Variants in USP48 observed in about 807,000 individuals in gnomAD.
The protein encoded by USP48 is ubiquitin carboxyl-terminal hydrolase 48.
USP48 carries 43 observed loss-of-function variants against 150.7 expected under a neutral mutation model. That is an observed-to-expected ratio of 0.29 (90% CI 0.22 to 0.37). USP48 has a LOEUF of 0.37. Among genes scored for constraint, USP48 ranks in the 10% least tolerant of loss-of-function variants. The probability of loss-of-function intolerance (pLI) is 1.00; values close to 1 mark genes in which losing one functional copy is unlikely to be tolerated. For missense variants in USP48, 813 were observed against 1,249.6 expected, an observed-to-expected ratio of 0.65 and a Z score of 5.27; for synonymous variants, 396 against 425.9, an observed-to-expected ratio of 0.93 and a Z score of 0.86.
chr1:21,684,724 A>C (rs2097576075), intron 25 of USP48, among the ~76,000 whole-genome samples: 2 of 152,326 alleles, frequency 1.3e-5, no homozygotes, highest in South Asian at 4.1e-4. Context: ...TTTAATATAT[A>C]GTGAGAGACA....
chr1:21,766,865 G>A (rs2097863442), intron 1 of USP48, among the ~76,000 whole-genome samples: 2 of 152,024 alleles, frequency 1.3e-5, no homozygotes, highest in Non-Finnish European at 2.9e-5. Flanking sequence ...AGGAGTTCCA[G>A]ATCAGCCTGG....
chr1:21,736,637 G>C lies in USP48; in HGVS notation c.992-12C>G. 2.2e-6 allele frequency: 3 copies of C among 1,372,952 alleles called. No individual in the cohort carries two copies. Among genetic ancestry groups the C allele is most frequent in the Non-Finnish European group, 2.8e-6 (3 of 1,056,888 alleles). The allele number at this position is 1,372,952 out of a possible 1,614,324, so 85.0% of individuals were successfully genotyped here. On this transcript the variant is annotated splice_polypyrimidine_tract_variant and intron_variant, in intron 8 of 26. Coordinates refer to ENST00000308271, the MANE Select transcript of USP48 (RefSeq NM_032236.8). The stretch of plus-strand genomic sequence containing the variant: ...CACGTAGGACCCACCTGGAGAGAAA[G>C]GGAGAAAGTAAAAGAAACGTTGGAT...
intron 23 of USP48, 131 bp downstream of exon 23, chr1:21,694,935 G>T: frequency 4.9e-6 from 5 of 1,022,256 alleles, no homozygotes; most frequent in South Asian, 2.8e-5. Context: ...AAGATTTTTG[G>T]CTATTTTGAA....
chr1:21,754,398 T>C (rs1188314409), intron 3 of USP48, among the ~76,000 whole-genome samples: 1 of 152,080 alleles, frequency 6.6e-6, no homozygotes, highest in Non-Finnish European at 1.5e-5. Flanking sequence ...AATTTTAGAG[T>C]TGAAAGTTTT....
chr1:21,752,433 A>G (rs920258527), intron 5 of USP48, 94 bp downstream of exon 5: 1 of 1,453,782 alleles, frequency 6.9e-7, no homozygotes, highest in Admixed American at 2.3e-5. Context: ...ATAAACCACT[A>G]AAGCTACAAC....
In USP48 at chr1:21,765,901, C is replaced by CAAA. The variant is rs199539331; in HGVS notation, c.135-8121_135-8119dup. 1.5e-4 allele frequency among the ~76,000 whole-genome samples: 17 copies of CAAA among 112,138 alleles called. 1 individual carries two copies. The highest frequency in any genetic ancestry group is 6.6e-4 in the African/African-American group (16 of 24,336). 73.6% of individuals were successfully genotyped at this position (112,138 alleles called of 152,430 possible). A position where few individuals can be genotyped will look rare whatever the true frequency, so the allele number is the denominator to read the frequency against. On this transcript the variant is annotated intron_variant, in intron 1 of 26. Transcript: ENST00000308271. ...GGGCAACAAAGTGAGACTCCATCTC[C>CAAA]AAAAAAAAAAAAAAAAAAAAAAAAA...
chr1:21,718,463 T>C (rs896055779), intron 14 of USP48, among the ~76,000 whole-genome samples: 12 of 152,076 alleles, frequency 7.9e-5, no homozygotes, highest in Admixed American at 1.3e-4. Flanking sequence ...GAAAGCAACA[T>C]GAAAAATACT....
chr1:21,679,056 T>A lies in USP48; in HGVS notation c.*361A>T, dbSNP rs1331208538. 3 of 358,646 alleles carry A rather than the reference T, an allele frequency of 8.4e-6. No homozygotes were observed. Among genetic ancestry groups the A allele is most frequent in the African/African-American group, 4.3e-5 (2 of 46,834 alleles). 22.2% of individuals were successfully genotyped at this position (358,646 alleles called of 1,614,324 possible). ...CCTTTATGGACCAACGCATCTGGTA[T>A]GAAACTCGAGCAAGGAAATATAACA... On this transcript the variant is annotated 3_prime_UTR_variant, in exon 27 of 27. Coordinates refer to ENST00000308271, the MANE Select transcript of USP48 (RefSeq NM_032236.8).
intron 3 of USP48, among the ~76,000 whole-genome samples, chr1:21,755,518 C>T (rs1467665271): frequency 3.9e-5 from 6 of 151,902 alleles, no homozygotes; most frequent in Non-Finnish European, 8.8e-5. Flanking sequence ...GCTGTGCTCG[C>T]ACCAGCCTGG....
At position 21,782,819 on chromosome 1, in the gene USP48, C is replaced by G; in HGVS notation, c.134+5G>C. 3 of 1,545,482 alleles carry G rather than the reference C, an allele frequency of 1.9e-6. No individual in the cohort carries two copies. Among genetic ancestry groups the G allele is most frequent in the Non-Finnish European group, 2.6e-6 (3 of 1,147,032 alleles). On this transcript the variant is annotated splice_donor_5th_base_variant and intron_variant, in intron 1 of 26. Coordinates refer to ENST00000308271, the MANE Select transcript of USP48 (RefSeq NM_032236.8). ...AGCCCGCGAGGCGCGGTGCGCGGGCCTCACCTGCACACGCCGCGAATGCAG... is the reference window on the plus strand; with the variant it reads ...AGCCCGCGAGGCGCGGTGCGCGGGCGTCACCTGCACACGCCGCGAATGCAG...
chr1:21,731,916 C>T, intron 9 of USP48, among the ~76,000 whole-genome samples: 1 of 151,920 alleles, frequency 6.6e-6, no homozygotes, highest in Non-Finnish European at 1.5e-5. Flanking sequence ...GAAACATTAG[C>T]CACTAATCTC....
intron 18 of USP48, 131 bp downstream of exon 18, chr1:21,705,994 AG>A (rs1307191101): frequency 4.5e-6 from 5 of 1,120,074 alleles, no homozygotes; most frequent in Non-Finnish European, 6.3e-6. Context: ...TAGAAAAGAA[AG>A]CTTTCAGTGT....
intron 15 of USP48, among the ~76,000 whole-genome samples, chr1:21,711,889 G>C (rs569731855): frequency 6.6e-6 from 1 of 152,302 alleles, no homozygotes; most frequent in Admixed American, 6.5e-5. Context: ...TACCACAAAA[G>C]TCTCTTAAAT....
At chr1:21,747,181 T>A in intron 7 of USP48, 32 bp from the exon 8 acceptor site, 1 of 1,483,766 alleles carries the variant, frequency 6.7e-7, no homozygotes, top group Non-Finnish European at 9.3e-7. Context: ...TATATTTACA[T>A]TTAAAACAAT....
At chr1:21,755,578 A>T (rs184322672) in intron 3 of USP48, among the ~76,000 whole-genome samples, 28 of 152,020 alleles carry the variant, frequency 1.8e-4, no homozygotes, top group African/African-American at 6.0e-4. Flanking sequence ...ATAAAAAAAA[A>T]CCTTTTCTGT....
chr1:21,781,208 C>G (rs2097913645), intron 1 of USP48, among the ~76,000 whole-genome samples: 1 of 148,442 alleles, frequency 6.7e-6, no homozygotes, highest in South Asian at 2.1e-4. Context: ...TATCTGAGGT[C>G]AGGAGTTCGA....
chr1:21,722,567 A>ACTTT (rs2097724420), intron 12 of USP48, among the ~76,000 whole-genome samples: 1 of 150,854 alleles, frequency 6.6e-6, no homozygotes, highest in Admixed American at 6.6e-5. Flanking sequence ...AACAGGGGCC[A>ACTTT]GATATGGTGG....
At chr1:21,782,784 C>G (rs780770780) in intron 1 of USP48, 40 bp downstream of exon 1, 1 of 1,498,984 alleles carries the variant, frequency 6.7e-7, no homozygotes, top group South Asian at 1.3e-5. Flanking sequence ...TTCCAAGGTC[C>G]GGCGCGAGGA....
At chr1:21,760,792 T>C (rs1366413706) in intron 1 of USP48, among the ~76,000 whole-genome samples, 1 of 147,116 alleles carries the variant, frequency 6.8e-6, no homozygotes, top group Non-Finnish European at 1.5e-5. Context: ...AACGATATCA[T>C]TAGTTGAAAA....
Sources: gnomAD v4.1 joint callset for allele counts (sites outside exome capture counted in the v4.1 genomes callset) on GRCh38, gnomAD v4.1.1 for gene constraint, MANE v1.5 for transcripts, NCBI Gene and HGNC (gene_info 2026-07-23, HGNC 2026-07-21) for gene names.